Variants in MTX2 observed in about 807,000 individuals in gnomAD.
MTX2 encodes the protein metaxin-2.
Under a neutral mutation model 42.3 loss-of-function variants are expected in MTX2, and 35 were observed. The observed-to-expected ratio is 0.83, with a 90% CI of 0.63 to 1.10. The LOEUF is 1.10. Among genes scored for constraint, MTX2 ranks in the 50% least tolerant of loss-of-function variants. MTX2 has a pLI of 0.00. For missense variants in MTX2, 307 were observed against 304.1 expected, an observed-to-expected ratio of 1.01 and a Z score of -0.07; for synonymous variants, 119 against 100.9, an observed-to-expected ratio of 1.18 and a Z score of -1.08.
intron 3 of MTX2, among the ~76,000 whole-genome samples, chr2:176,305,271 A>T (rs576346255): frequency 3.3e-5 from 5 of 152,070 alleles, no homozygotes; most frequent in Admixed American, 1.3e-4. Context: ...AAGAATTTTA[A>T]TTTTTTTGTT....
At chr2:176,325,786 T>C (rs149988856) in intron 4 of MTX2, among the ~76,000 whole-genome samples, 10 of 151,888 alleles carry the variant, frequency 6.6e-5, no homozygotes, top group African/African-American at 1.9e-4. Context: ...TTGCAAGATT[T>C]ATAAAGCAGT....
chr2:176,330,659 C>T lies in MTX2; in HGVS notation c.619C>T (p.Gln207Ter). The change falls in exon 9 of 10, where the codon CAG becomes TAG. Residue 207 changes from glutamine to a stop codon, truncating the protein, a stop_gained and splice_region_variant. Coordinates refer to ENST00000249442, the MANE Select transcript of MTX2 (RefSeq NM_006554.5). LOFTEE classifies it high-confidence loss of function. Reference sequence around the variant, plus strand: ...AACACAACCGTATTTCTTCAATAAGCAGTAAGAAATTTTACTTTTTTAAAG... The same window carrying T: ...AACACAACCGTATTTCTTCAATAAGTAGTAAGAAATTTTACTTTTTTAAAG... ...LGTQPYFFNKQPTELDALVFG... is the reference protein window; with the variant it reads ...LGTQPYFFNK 2 of 1,584,308 alleles carry T rather than the reference C, an allele frequency of 1.3e-6. No homozygotes were observed. Among genetic ancestry groups the T allele is most frequent in the Non-Finnish European group, 1.7e-6 (2 of 1,161,008 alleles).
intron 9 of MTX2, among the ~76,000 whole-genome samples, chr2:176,332,858 A>G (rs1287963316): frequency 6.6e-6 from 1 of 151,508 alleles, no homozygotes; most frequent in Admixed American, 6.6e-5. Context: ...TGATACTATG[A>G]AGGTATCAGA....
intron 1 of MTX2, among the ~76,000 whole-genome samples, chr2:176,278,669 T>G (rs552506143): frequency 6.6e-6 from 1 of 152,304 alleles, no homozygotes; most frequent in Non-Finnish European, 1.5e-5. Context: ...TTTTTAATAT[T>G]TTTCAAACAT....
At chr2:176,286,845 G>T (rs996003322) in intron 1 of MTX2, among the ~76,000 whole-genome samples, 2 of 152,112 alleles carry the variant, frequency 1.3e-5, no homozygotes, top group African/African-American at 4.8e-5. Context: ...CACCATGCCC[G>T]ACCCACTCTG....
At chr2:176,334,724 G>A (rs1013360062) in intron 9 of MTX2, among the ~76,000 whole-genome samples, 3 of 151,936 alleles carry the variant, frequency 2.0e-5, no homozygotes, top group Non-Finnish European at 4.4e-5. Context: ...ATCTTAGGAT[G>A]CTTTCTTTTT....
Position 176,323,477 on chromosome 2 carries a change from T to G in MTX2, c.208+13T>G. 6.2e-7 allele frequency: 1 copy of G among 1,601,964 alleles called. No individual in the cohort carries two copies. The highest frequency in any genetic ancestry group is 8.5e-7 in the Non-Finnish European group (1 of 1,170,580). The stretch of plus-strand genomic sequence containing the variant: ...ATGTCTCCATCTGGTAAGTGTGTTT[T>G]TTTTTCTTCTCTGTTAATATTATGG... On this transcript the variant is annotated intron_variant, in intron 4 of 9. Coordinates refer to ENST00000249442, the MANE Select transcript of MTX2 (RefSeq NM_006554.5).
chr2:176,314,555 A>T (rs1295362646), intron 3 of MTX2, among the ~76,000 whole-genome samples: 1 of 152,132 alleles, frequency 6.6e-6, no homozygotes, highest in Non-Finnish European at 1.5e-5. Context: ...TTATTAGTAT[A>T]TTTGGGATTG....
intron 9 of MTX2, among the ~76,000 whole-genome samples, chr2:176,334,420 GTAT>G (rs1371847260): frequency 6.6e-6 from 1 of 151,846 alleles, no homozygotes; most frequent in Non-Finnish European, 1.5e-5. Context: ...ATTGGTGTTT[GTAT>G]TATTCTCACC....
chr2:176,328,406 G>A, intron 6 of MTX2, 21 bp downstream of exon 6: 1 of 1,417,178 alleles, frequency 7.1e-7, no homozygotes, highest in Non-Finnish European at 9.5e-7. Context: ...AGATGATACG[G>A]CTTGAAAATA....
At chr2:176,308,723 G>A (rs1684218050) in intron 3 of MTX2, among the ~76,000 whole-genome samples, 1 of 151,964 alleles carries the variant, frequency 6.6e-6, no homozygotes, top group African/African-American at 2.4e-5. Flanking sequence ...TATTTCTTTG[G>A]GATCGTTGGT....
At chr2:176,306,621 A>G (rs1684153154) in intron 3 of MTX2, among the ~76,000 whole-genome samples, 1 of 152,218 alleles carries the variant, frequency 6.6e-6, no homozygotes, top group African/African-American at 2.4e-5. Flanking sequence ...ATGAGATGAT[A>G]TCTCATTTTG....
chr2:176,319,334 T>C (rs745755991), intron 3 of MTX2, among the ~76,000 whole-genome samples: 4 of 152,186 alleles, frequency 2.6e-5, no homozygotes, highest in Non-Finnish European at 5.9e-5. Flanking sequence ...TCTCCAGTGT[T>C]TTCTTCCATC....
chr2:176,286,542 C>T (rs1028912983), intron 1 of MTX2, among the ~76,000 whole-genome samples: 2 of 151,154 alleles, frequency 1.3e-5, no homozygotes, highest in African/African-American at 4.9e-5. Flanking sequence ...TTATTACTCA[C>T]TCTGAGTCTT....
Position 176,328,902 on chromosome 2 carries a change from C to T in MTX2, c.407C>T (p.Thr136Ile). Residue 136 changes from threonine (T) to isoleucine (I), a missense_variant, in exon 7 of 10, where the codon ACA becomes ATA. Physicochemically the swap from Thr to Ile is moderately conservative, Grantham distance 89. Transcript: ENST00000249442. ...ELYLQWCDEATVGEITHARYG... is the reference protein window; with the variant it reads ...ELYLQWCDEAIVGEITHARYG... ...TATCTTCAGTGGTGTGATGAAGCTA[C>T]AGTAGGGGAGGTGAGTGGTTCTGTA... 2 of 1,606,604 alleles carry T rather than the reference C, an allele frequency of 1.2e-6. No homozygotes were observed. The highest frequency in any genetic ancestry group is 1.7e-6 in the Non-Finnish European group (2 of 1,175,066).
intron 1 of MTX2, among the ~76,000 whole-genome samples, chr2:176,284,005 A>G (rs1262397755): frequency 6.6e-6 from 1 of 152,108 alleles, no homozygotes; most frequent in Non-Finnish European, 1.5e-5. Flanking sequence ...AAATGAAAAA[A>G]GTTTGAGTAA....
chr2:176,280,982 A>G (rs748440259), intron 1 of MTX2, among the ~76,000 whole-genome samples: 6 of 152,194 alleles, frequency 3.9e-5, no homozygotes, highest in African/African-American at 9.6e-5. Context: ...GCTGATCATG[A>G]GTGACTGCCA....
At chr2:176,317,483 G>C (rs1485329868) in intron 3 of MTX2, among the ~76,000 whole-genome samples, 1 of 152,046 alleles carries the variant, frequency 6.6e-6, no homozygotes, top group African/African-American at 2.4e-5. Context: ...AGTATCTATT[G>C]ATCTCTGCTA....
intron 3 of MTX2, among the ~76,000 whole-genome samples, chr2:176,318,082 T>C (rs1684488172): frequency 6.6e-6 from 1 of 152,196 alleles, no homozygotes; most frequent in Admixed American, 6.5e-5. Flanking sequence ...TTGACATCTC[T>C]GGTCTGCTTT....
Sources: gnomAD v4.1 joint callset for allele counts (sites outside exome capture counted in the v4.1 genomes callset) on GRCh38, gnomAD v4.1.1 for gene constraint, MANE v1.5 for transcripts, NCBI Gene and HGNC (gene_info 2026-07-23, HGNC 2026-07-21) for gene names.